The following SPATA13 variants were observed in gnomAD, a reference collection of about 807,000 sequenced individuals.
SPATA13 encodes the protein spermatogenesis-associated protein 13.
In SPATA13, 50 loss-of-function variants were observed where a neutral mutation model predicts 104.0. The observed-to-expected ratio is 0.48, with a 90% CI of 0.38 to 0.61. The LOEUF is 0.61. Among genes scored for constraint, SPATA13 ranks in the 20% least tolerant of loss-of-function variants. SPATA13 has a pLI of 0.00. For synonymous variants in SPATA13, 606 were observed against 667.5 expected, an observed-to-expected ratio of 0.91 and a Z score of 1.42; for missense variants, 1,524 against 1,690.6, an observed-to-expected ratio of 0.90 and a Z score of 1.73.
At chr13:24,105,687 T>C (rs1354933335) in intron 3 of SPATA13, among the ~76,000 whole-genome samples, 1 of 152,180 alleles carries the variant, frequency 6.6e-6, no homozygotes, top group Non-Finnish European at 1.5e-5. Flanking sequence ...AAGGGCCGAA[T>C]TGTGTCCCCC....
At chr13:24,112,322 ACTCTG>A (rs1880666362) in intron 3 of SPATA13, among the ~76,000 whole-genome samples, 2 of 65,768 alleles carry the variant, frequency 3.0e-5, no homozygotes, top group African/African-American at 1.6e-4. Flanking sequence ...TCAGTTTGCT[ACTCTG>A]CTCTTGTTGC....
intron 3 of SPATA13, among the ~76,000 whole-genome samples, chr13:24,050,770 G>A (rs902266508): frequency 6.6e-5 from 10 of 152,338 alleles, no homozygotes; most frequent in South Asian, 2.1e-4. Context: ...TGACTCCCGC[G>A]CTGGCAGGAC....
chr13:24,105,401 A>T (rs981841713), intron 3 of SPATA13, among the ~76,000 whole-genome samples: 1 of 150,084 alleles, frequency 6.7e-6, no homozygotes, highest in Admixed American at 6.6e-5. Context: ...AGCCTCCCAA[A>T]GTGCTGGGAT....
At chr13:24,300,523 CCT>C in intron 12 of SPATA13, 48 bp downstream of exon 12, 1 of 1,561,512 alleles carries the variant, frequency 6.4e-7, no homozygotes, top group Non-Finnish European at 8.8e-7. Context: ...TCAGTATTCT[CCT>C]GAAAATGGGA....
At chr13:24,255,465 T>G (rs1218815733) in intron 4 of SPATA13, among the ~76,000 whole-genome samples, 2 of 151,992 alleles carry the variant, frequency 1.3e-5, no homozygotes, top group African/African-American at 4.8e-5. Flanking sequence ...CCGAGATCAG[T>G]TAACAGCACA....
intron 2 of SPATA13, among the ~76,000 whole-genome samples, chr13:24,013,046 C>G (rs1876547841): frequency 6.6e-6 from 1 of 152,176 alleles, no homozygotes. Context: ...CCCATTGTCA[C>G]CCCTTTGCTA....
intron 4 of SPATA13, among the ~76,000 whole-genome samples, chr13:24,252,365 G>A (rs1258686403): frequency 1.3e-5 from 2 of 152,110 alleles, no homozygotes; most frequent in Non-Finnish European, 2.9e-5. Context: ...CAGGCTTACT[G>A]CATGTGGGCC....
At chr13:24,142,265 A>G (rs191174233) in intron 3 of SPATA13, among the ~76,000 whole-genome samples, 1 of 152,108 alleles carries the variant, frequency 6.6e-6, no homozygotes, top group Admixed American at 6.5e-5. Flanking sequence ...AAGACTATCT[A>G]CTAGTCTACA....
At chr13:24,256,489 TA>T (rs1873796862) in intron 4 of SPATA13, among the ~76,000 whole-genome samples, 1 of 152,210 alleles carries the variant, frequency 6.6e-6, no homozygotes, top group Non-Finnish European at 1.5e-5. Flanking sequence ...AATAATAATA[TA>T]AAAAACTCTC....
chr13:23,982,284 A>G (rs1874939219), intron 1 of SPATA13, among the ~76,000 whole-genome samples: 1 of 152,200 alleles, frequency 6.6e-6, no homozygotes, highest in Non-Finnish European at 1.5e-5. Flanking sequence ...AGACTTTGCT[A>G]TGCATTTTCC....
chr13:24,301,751 C>A (rs1877199975), intron 12 of SPATA13, among the ~76,000 whole-genome samples: 1 of 152,242 alleles, frequency 6.6e-6, no homozygotes, highest in African/African-American at 2.4e-5. Flanking sequence ...CTGACTTACA[C>A]AGTTACGTTT....
At chr13:24,146,617 A>G (rs770318077) in intron 3 of SPATA13, among the ~76,000 whole-genome samples, 3 of 144,552 alleles carry the variant, frequency 2.1e-5, no homozygotes, top group Non-Finnish European at 4.5e-5. Flanking sequence ...TTTACAGGGC[A>G]CTAAGGAAAT....
At chr13:24,193,410 T>C (rs1869881109) in intron 1 of SPATA13, among the ~76,000 whole-genome samples, 1 of 152,152 alleles carries the variant, frequency 6.6e-6, no homozygotes, top group African/African-American at 2.4e-5. Context: ...ACTGGGGGCC[T>C]GGTGAGCAGA....
intron 1 of SPATA13, among the ~76,000 whole-genome samples, chr13:24,170,550 C>A (rs780963682): frequency 3.3e-5 from 5 of 152,190 alleles, no homozygotes; most frequent in Non-Finnish European, 7.3e-5. Context: ...TGGAAAGTCT[C>A]CTGTGGAAGC....
intron 1 of SPATA13, among the ~76,000 whole-genome samples, chr13:24,214,313 C>T (rs1300347028): frequency 2.6e-5 from 4 of 152,210 alleles, no homozygotes; most frequent in South Asian, 2.1e-4. Context: ...GATTGCTTCA[C>T]GTCTTTGGAT....
intron 3 of SPATA13, among the ~76,000 whole-genome samples, chr13:24,023,167 G>A (rs2077583649): frequency 6.6e-6 from 1 of 151,940 alleles, no homozygotes; most frequent in South Asian, 2.1e-4. Flanking sequence ...ACCTATCAGT[G>A]AGAACATTCG....
intron 2 of SPATA13, among the ~76,000 whole-genome samples, chr13:24,004,230 G>A (rs778949976): frequency 6.6e-6 from 1 of 152,176 alleles, no homozygotes; most frequent in Non-Finnish European, 1.5e-5. Context: ...AGATGAAATT[G>A]AAAAGCAGAT....
chr13:24,276,233 G>A (rs917740965), intron 4 of SPATA13, among the ~76,000 whole-genome samples: 3 of 152,206 alleles, frequency 2.0e-5, no homozygotes, highest in Non-Finnish European at 4.4e-5. Context: ...ACAGAATGTG[G>A]TGTGTATACT....
chr13:24,022,111 C>T lies in SPATA13; in HGVS notation c.-112+4410C>T, dbSNP rs147313738. ...TCTCTTGAAGGCTGGAGTGCAATCT[C>T]ATCTCACTGCAGCTTCCACCTCCCA... On this transcript the variant is annotated intron_variant, in intron 3 of 14. Transcript: ENST00000424834. 2.0e-4 allele frequency among the ~76,000 whole-genome samples: 29 copies of T among 146,156 alleles called. No individual in the cohort carries two copies. The East Asian group carries it at 4.7e-3, about 24-fold the overall frequency.
Sources: gnomAD v4.1 joint callset for allele counts (sites outside exome capture counted in the v4.1 genomes callset) on GRCh38, gnomAD v4.1.1 for gene constraint, MANE v1.5 for transcripts, NCBI Gene and HGNC (gene_info 2026-07-23, HGNC 2026-07-21) for gene names.